The following EPG5 variants were observed in gnomAD, a reference collection of about 807,000 sequenced individuals.
EPG5 encodes ectopic P-granules 5 autophagy tethering factor.
EPG5 carries 159 observed loss-of-function variants against 302.7 expected under a neutral mutation model. The ratio of observed to expected loss-of-function variants is 0.53; its 90% confidence interval spans 0.46 to 0.60. The LOEUF is 0.60. Ranked by LOEUF, EPG5 falls within the 20% of genes least tolerant of loss-of-function variation. The pLI is 0.00. For synonymous variants in EPG5, 1,158 were observed against 1,136.8 expected (o/e 1.02, Z -0.37); for missense variants, 2,896 against 3,092.4 (o/e 0.94, Z 1.51).
chr18:45,929,811 T>C (rs1180055623), intron 12 of EPG5, among the ~76,000 whole-genome samples: 1 of 152,236 alleles, frequency 6.6e-6, no homozygotes. Flanking sequence ...TGCATGGTTA[T>C]GAAGTACCAG....
At chr18:45,918,559 T>C (rs1317766685) in intron 16 of EPG5, among the ~76,000 whole-genome samples, 1 of 152,110 alleles carries the variant, frequency 6.6e-6, no homozygotes, top group Non-Finnish European at 1.5e-5. Context: ...TAATCTCAAA[T>C]ACGGAAAAAA....
the EPG5 span, among the ~76,000 whole-genome samples, chr18:45,826,719 C>T: frequency 6.6e-6 from 1 of 152,190 alleles, no homozygotes; most frequent in Non-Finnish European, 1.5e-5. Flanking sequence ...GTATGGGGTC[C>T]TGGCTCCATA....
intron 12 of EPG5, 111 bp from the exon 13 acceptor site, chr18:45,929,120 A>T: frequency 9.0e-7 from 1 of 1,115,814 alleles, no homozygotes. Flanking sequence ...ATTGAGCCTT[A>T]ATTGACACTA....
chr18:45,925,378 CAGG>C (rs2050245243), intron 14 of EPG5, among the ~76,000 whole-genome samples: 1 of 152,160 alleles, frequency 6.6e-6, no homozygotes, highest in Admixed American at 6.5e-5. Context: ...GAGGCTGATG[CAGG>C]AGAATTGCTT....
rs769745355 is a variant in EPG5 at position 45,855,699 on chromosome 18, G to C, written c.7443-12C>G. On this transcript the variant is annotated splice_polypyrimidine_tract_variant and intron_variant, in intron 42 of 43. Coordinates refer to ENST00000282041, the MANE Select transcript of EPG5 (RefSeq NM_020964.3). The stretch of plus-strand genomic sequence containing the variant: ...CAACCACTCGGAACCTTAGGCATTA[G>C]GGAGAGGTCAGAAGAAGTAAATGGC... 2.5e-6 allele frequency: 4 copies of C among 1,588,358 alleles called. No homozygotes were observed. The highest frequency in any genetic ancestry group is 2.2e-5 in the South Asian group (2 of 90,544).
At chr18:45,893,676 C>T (rs567401490) in intron 27 of EPG5, among the ~76,000 whole-genome samples, 133 of 151,978 alleles carry the variant, frequency 8.8e-4, no homozygotes, top group Non-Finnish European at 1.6e-3. Context: ...GACAGTGCAA[C>T]CATCCTTACT....
At chr18:45,950,392 T>C (rs544389667) in intron 4 of EPG5, among the ~76,000 whole-genome samples, 1 of 152,220 alleles carries the variant, frequency 6.6e-6, no homozygotes, top group South Asian at 2.1e-4. Context: ...TTTCCCATGC[T>C]ATTCTCATGA....
In EPG5 at chr18:45,860,285, C is replaced by T; in HGVS notation, c.6828G>A (p.Met2276Ile). 15 of 1,614,246 alleles carry T rather than the reference C, an allele frequency of 9.3e-6. No homozygotes were observed. Among genetic ancestry groups the T allele is most frequent in the Non-Finnish European group, 1.3e-5 (15 of 1,180,054 alleles). ...CTGTTGGAATAGTCGCGTTGTTCAT[C>T]ATCATCAGGACTTCCATAAAGAGGC... Reference protein sequence around the residue: ...LSSLFMEVLMMMNNATIPTAE... With the variant: ...LSSLFMEVLMIMNNATIPTAE... The change falls in exon 40 of 44, where the codon ATG becomes ATA. Residue 2276 changes from methionine (M) to isoleucine (I), a missense_variant. Transcript: ENST00000282041.
intron 36 of EPG5, among the ~76,000 whole-genome samples, chr18:45,869,054 C>CAAA (rs139057138): frequency 1.0e-5 from 1 of 98,412 alleles, no homozygotes. Context: ...GACTCCGTCT[C>CAAA]AAAAAAAAAA....
intron 13 of EPG5, among the ~76,000 whole-genome samples, chr18:45,928,382 C>G (rs190646611): frequency 2.4e-4 from 36 of 152,202 alleles, no homozygotes; most frequent in African/African-American, 8.7e-4. Flanking sequence ...CTCAAGAAAA[C>G]TTTTGAAAAA....
At chr18:45,871,906 G>A (rs756679941) in intron 35 of EPG5, among the ~76,000 whole-genome samples, 10 of 152,132 alleles carry the variant, frequency 6.6e-5, no homozygotes, top group Non-Finnish European at 4.4e-5. Context: ...AATGCATTAC[G>A]TATTTCGAAA....
chr18:45,852,973 C>T (rs1378913790), intron 43 of EPG5, among the ~76,000 whole-genome samples: 1 of 152,172 alleles, frequency 6.6e-6, no homozygotes, highest in Non-Finnish European at 1.5e-5. Context: ...GCCTCACCTG[C>T]CACACCGATT....
chr18:45,879,819 C>T (rs1303875306), intron 32 of EPG5, among the ~76,000 whole-genome samples: 1 of 152,098 alleles, frequency 6.6e-6, no homozygotes, highest in Non-Finnish European at 1.5e-5. Flanking sequence ...GGGTGGAGTC[C>T]GATGGGCTAG....
chr18:45,876,909 G>A (rs369419039), intron 34 of EPG5, among the ~76,000 whole-genome samples: 3 of 151,656 alleles, frequency 2.0e-5, no homozygotes, highest in East Asian at 2.0e-4. Context: ...TCAGCCTCCC[G>A]AGCAACTGGG....
intron 27 of EPG5, among the ~76,000 whole-genome samples, chr18:45,896,541 C>T (rs764653874): frequency 2.0e-5 from 3 of 152,046 alleles, no homozygotes; most frequent in Admixed American, 2.0e-4. Flanking sequence ...TTAGCAATTA[C>T]CAATTTTTCT....
chr18:45,847,992 A>T lies in EPG5; in HGVS notation c.*4475T>A, dbSNP rs928433367. ...CCAAAAGAGGATCAGTAGTATAATT[A>T]TTTTTTTTTCAAGTTATTTTCATCA... On this transcript the variant is annotated 3_prime_UTR_variant, in exon 44 of 44. Coordinates refer to ENST00000282041, the MANE Select transcript of EPG5 (RefSeq NM_020964.3). 5.9e-5 allele frequency: 9 copies of T among 151,894 alleles called. No homozygotes were observed. The highest frequency in any genetic ancestry group is 2.1e-4 in the South Asian group (1 of 4,778). 9.4% of individuals were successfully genotyped at this position (151,894 alleles called of 1,614,324 possible).
At chr18:45,941,609 A>C (rs559949847) in intron 9 of EPG5, among the ~76,000 whole-genome samples, 46 of 152,334 alleles carry the variant, frequency 3.0e-4, no homozygotes, top group Non-Finnish European at 5.7e-4. Flanking sequence ...TATTTACACA[A>C]TAATGTAAAC....
chr18:45,839,058 C>CG, the EPG5 span: 105 of 1,509,142 alleles, frequency 7.0e-5, 1 homozygote, highest in East Asian at 2.8e-3. Context: ...TGCTGCTGCT[C>CG]GGGGTCCTGG....
In EPG5 at chr18:45,884,580, G is replaced by A. The variant is rs202186702; in HGVS notation, c.5304+37C>T. 1.2e-4 allele frequency: 182 copies of A among 1,532,894 alleles called. 2 individuals carry two copies. The African/African-American group carries it at 2.1e-3, about 18-fold the overall frequency. 95.0% of individuals were successfully genotyped at this position (1,532,894 alleles called of 1,614,324 possible). On this transcript the variant is annotated intron_variant, in intron 30 of 43. Transcript: ENST00000282041. ...AGGAGGAAGCAACAATCATTCCTAC[G>A]TTTCAACAATATGGTGAGGATGGAA...
Sources: gnomAD v4.1 joint callset for allele counts (sites outside exome capture counted in the v4.1 genomes callset) on GRCh38, gnomAD v4.1.1 for gene constraint, MANE v1.5 for transcripts, NCBI Gene and HGNC (gene_info 2026-07-23, HGNC 2026-07-21) for gene names.